The following ARHGEF4 variants were observed in gnomAD, a reference collection of about 807,000 sequenced individuals.
The protein encoded by ARHGEF4 is Rho guanine nucleotide exchange factor 4.
ARHGEF4 carries 119 observed loss-of-function variants against 162.0 expected under a neutral mutation model. The observed-to-expected ratio is 0.73, with a 90% CI of 0.63 to 0.86. The LOEUF (loss-of-function observed/expected upper bound fraction) is 0.86, where lower values mean the gene tolerates loss of function less well. Among genes scored for constraint, ARHGEF4 ranks in the 40% least tolerant of loss-of-function variants. ARHGEF4 has a pLI of 0.00. For missense variants in ARHGEF4, 2,488 were observed against 2,456.0 expected, an observed-to-expected ratio of 1.01 and a Z score of -0.28; for synonymous variants, 1,014 against 979.9, an observed-to-expected ratio of 1.03 and a Z score of -0.65.
At position 130,886,454 on chromosome 2, in the gene ARHGEF4, C is replaced by T. The variant is rs191716676; in HGVS notation, c.40-27532C>T. ...CAGCACTTTGGGAGGCTGAGGTGGG[C>T]GGATCATGAGGTCAGGAGATCGAGA... On this transcript the variant is annotated intron_variant, in intron 1 of 13. Transcript: ENST00000409359. Among the ~76,000 whole-genome samples, 741 of 151,564 alleles carry T rather than the reference C, an allele frequency of 4.9e-3. 12 individuals are homozygous for T. The highest frequency in any genetic ancestry group is 0.017 in the African/African-American group (700 of 41,246).
chr2:130,979,940 A>G (rs774851961), intron 4 of ARHGEF4, among the ~76,000 whole-genome samples: 2 of 152,152 alleles, frequency 1.3e-5, no homozygotes, highest in Non-Finnish European at 2.9e-5. Flanking sequence ...ATACTTAACT[A>G]TCATTCTCTC....
Position 131,046,373 on chromosome 2 carries a change from T to C in ARHGEF4, c.*184T>C. 1 of 650,804 alleles carries C rather than the reference T, an allele frequency of 1.5e-6. No homozygotes were observed. The highest frequency in any genetic ancestry group is 2.6e-6 in the Non-Finnish European group (1 of 387,742). The allele number at this position is 650,804 out of a possible 1,614,324, so 40.3% of individuals were successfully genotyped here. ...CTGTTGTCTTTTTCCCTGCTCCTGGTGCCCTGAAGAGACCAGCAAGGGGGC... is the reference window on the plus strand; with the variant it reads ...CTGTTGTCTTTTTCCCTGCTCCTGGCGCCCTGAAGAGACCAGCAAGGGGGC... On this transcript the variant is annotated 3_prime_UTR_variant, in exon 14 of 14. Transcript: ENST00000409359.
intron 4 of ARHGEF4, among the ~76,000 whole-genome samples, chr2:130,985,437 A>C (rs1413919263): frequency 6.6e-6 from 1 of 152,184 alleles, no homozygotes; most frequent in African/African-American, 2.4e-5. Context: ...CGGGTGCTGC[A>C]GCCGAGGAAA....
chr2:130,981,980 A>G (rs1432391681), intron 4 of ARHGEF4, among the ~76,000 whole-genome samples: 3 of 152,114 alleles, frequency 2.0e-5, no homozygotes, highest in East Asian at 3.9e-4. Flanking sequence ...TAACTACAGT[A>G]AAAAAGAATT....
At chr2:131,042,008 G>T in intron 10 of ARHGEF4, 64 bp downstream of exon 10, 1 of 1,558,912 alleles carries the variant, frequency 6.4e-7, no homozygotes, top group Non-Finnish European at 8.7e-7. Context: ...AATCATGCTT[G>T]CCCCTGAAAA....
intron 3 of ARHGEF4, among the ~76,000 whole-genome samples, chr2:130,937,379 T>C (rs1457967558): frequency 6.6e-6 from 1 of 152,208 alleles, no homozygotes; most frequent in Admixed American, 6.5e-5. Flanking sequence ...CTGATTCTTT[T>C]TTCTGCCTAC....
intron 2 of ARHGEF4, among the ~76,000 whole-genome samples, chr2:130,930,038 G>A (rs1327229878): frequency 1.1e-3 from 9 of 8,470 alleles, no homozygotes; most frequent in East Asian, 0.5. Context: ...GGACTACAGG[G>A]CCCACCACCA....
chr2:131,042,262 G>C (rs1690875103), intron 10 of ARHGEF4, among the ~76,000 whole-genome samples: 1 of 152,220 alleles, frequency 6.6e-6, no homozygotes. Context: ...GCCTTCAGGG[G>C]ACAGGCCAGA....
chr2:130,911,550 A>G (rs1479984366), intron 1 of ARHGEF4, among the ~76,000 whole-genome samples: 1 of 152,250 alleles, frequency 6.6e-6, no homozygotes, highest in Non-Finnish European at 1.5e-5. Flanking sequence ...CCAATATTCA[A>G]TCAAATCAAA....
At chr2:130,901,455 C>G (rs1164739142) in intron 1 of ARHGEF4, among the ~76,000 whole-genome samples, 1 of 152,076 alleles carries the variant, frequency 6.6e-6, no homozygotes, top group Non-Finnish European at 1.5e-5. Context: ...GTTTGGCATC[C>G]ATTCGTCATA....
rs187830867 is a variant in ARHGEF4 at position 130,879,590 on chromosome 2, A to G, written c.40-34396A>G. Reference sequence around the variant, plus strand: ...GTGTCTTTTGACCAACACTTTCCCAATGCCCACACCCCAGCCCCTGGTCAC... The same window carrying G: ...GTGTCTTTTGACCAACACTTTCCCAGTGCCCACACCCCAGCCCCTGGTCAC... On this transcript the variant is annotated intron_variant, in intron 1 of 13. Coordinates refer to ENST00000409359, the MANE Select transcript of ARHGEF4 (RefSeq NM_001367493.1). Among the ~76,000 whole-genome samples the G allele has an allele frequency of 3.5e-3, 528 of 152,198 alleles. 9 individuals carry two copies. Among genetic ancestry groups the G allele is most frequent in the African/African-American group, 0.011 (455 of 41,526 alleles).
At chr2:131,014,951 T>C (rs749017609) in intron 4 of ARHGEF4, among the ~76,000 whole-genome samples, 4 of 151,956 alleles carry the variant, frequency 2.6e-5, no homozygotes, top group Non-Finnish European at 5.9e-5. Context: ...GGGGAGCAGT[T>C]TTCCCCTGCC....
intron 3 of ARHGEF4, among the ~76,000 whole-genome samples, chr2:130,945,667 A>G (rs573640336): frequency 5.5e-4 from 83 of 152,246 alleles, no homozygotes; most frequent in Non-Finnish European, 9.4e-4. Flanking sequence ...TCACCACAGG[A>G]TCAGTGTTAC....
intron 2 of ARHGEF4, among the ~76,000 whole-genome samples, chr2:130,926,986 T>C (rs1466413407): frequency 2.6e-5 from 4 of 151,362 alleles, no homozygotes; most frequent in African/African-American, 9.7e-5. Context: ...GACATCTCTC[T>C]GGCTGAAGGA....
chr2:130,894,465 C>G (rs1157657921), intron 1 of ARHGEF4, among the ~76,000 whole-genome samples: 1 of 152,116 alleles, frequency 6.6e-6, no homozygotes, highest in Non-Finnish European at 1.5e-5. Context: ...TCTCAGTAAA[C>G]AAGCACGGAG....
intron 4 of ARHGEF4, among the ~76,000 whole-genome samples, chr2:130,963,345 C>T (rs905042162): frequency 6.6e-5 from 10 of 152,082 alleles, no homozygotes; most frequent in African/African-American, 2.4e-4. Context: ...CGCGCTCCCC[C>T]CGCCGGCGCG....
At chr2:130,971,858 A>G (rs1189483067) in intron 4 of ARHGEF4, among the ~76,000 whole-genome samples, 1 of 152,104 alleles carries the variant, frequency 6.6e-6, no homozygotes, top group East Asian at 1.9e-4. Context: ...TGCAGTGCCT[A>G]TACATTTTGG....
intron 1 of ARHGEF4, 142 bp from the exon 2 acceptor site, chr2:130,913,844 T>C: frequency 1.0e-6 from 1 of 997,568 alleles, no homozygotes; most frequent in Non-Finnish European, 1.4e-6. Flanking sequence ...CCCTTCATAC[T>C]TACCTCCCTT....
intron 5 of ARHGEF4, chr2:131,035,175 C>T (rs1690158104): frequency 3.3e-6 from 4 of 1,220,952 alleles, no homozygotes; most frequent in Admixed American, 4.3e-5. Flanking sequence ...ACCTGCCCCC[C>T]GGCGCCCAGC....
Sources: allele counts gnomAD v4.1 joint callset (sites outside exome capture counted in the v4.1 genomes callset), GRCh38; gene constraint gnomAD v4.1.1; transcripts MANE v1.5; gene names NCBI Gene and HGNC (gene_info 2026-07-23, HGNC 2026-07-21).